The following PCDHGA2 variants were observed in gnomAD, a reference collection of about 807,000 sequenced individuals.
The protein encoded by PCDHGA2 is protocadherin gamma subfamily A, 2.
In PCDHGA2, 40 loss-of-function variants were observed where a neutral mutation model predicts 59.2. The observed-to-expected ratio is 0.68, with a 90% confidence interval of 0.52 to 0.88. The LOEUF (loss-of-function observed/expected upper bound fraction) is 0.88, where lower values mean the gene tolerates loss of function less well. PCDHGA2 is among the 40% of genes least tolerant of loss of function. The pLI is 0.00. For synonymous variants in PCDHGA2, 560 were observed against 526.0 expected (o/e 1.06, Z -0.89); for missense variants, 1,226 against 1,204.0 (o/e 1.02, Z -0.27).
intron 1 of PCDHGA2, chr5:141,398,054 A>G (rs372627681): frequency 9.0e-5 from 136 of 1,518,912 alleles, no homozygotes; most frequent in Non-Finnish European, 1.0e-4. Context: ...CGGAGATCCA[A>G]AAATCTACAA....
At chr5:141,451,926 T>G (rs994841982) in intron 1 of PCDHGA2, among the ~76,000 whole-genome samples, 5 of 151,122 alleles carry the variant, frequency 3.3e-5, no homozygotes, top group Non-Finnish European at 7.4e-5. Context: ...GGAAGGGAGG[T>G]AGGGAGGCAG....
chr5:141,410,023 C>T (rs1172248089), intron 1 of PCDHGA2: 1 of 1,613,310 alleles, frequency 6.2e-7, no homozygotes, highest in South Asian at 1.1e-5. Flanking sequence ...TGTCCTACCA[C>T]GTGCTGCAGG....
intron 1 of PCDHGA2, among the ~76,000 whole-genome samples, chr5:141,380,254 G>T (rs572849105): frequency 6.6e-6 from 1 of 152,270 alleles, no homozygotes; most frequent in Non-Finnish European, 1.5e-5. Flanking sequence ...TGTCAAAGGG[G>T]AAGGAGTAAA....
Position 141,486,558 on chromosome 5 carries a change from T to C in PCDHGA2, c.2425-8249T>C, listed in dbSNP as rs544575797. 1 of 1,614,034 alleles carries C rather than the reference T, an allele frequency of 6.2e-7. No homozygotes were observed. Among genetic ancestry groups the C allele is most frequent in the Non-Finnish European group, 8.5e-7 (1 of 1,180,012 alleles). ...TCTTTCTTTCAGAGGTCACATGAGG[T>C]GTTTGTTCCTGAGAACAATCGCCCA... On this transcript the variant is annotated intron_variant, in intron 1 of 3. Coordinates refer to ENST00000394576, the MANE Select transcript of PCDHGA2 (RefSeq NM_018915.4). This position sits in a 1 kb window ranked among gnomAD's most constrained non-coding sequence, Gnocchi z 5.0.
chr5:141,372,811 TGA>T (rs1193015568), intron 1 of PCDHGA2: 2 of 1,586,454 alleles, frequency 1.3e-6, no homozygotes, highest in Admixed American at 1.8e-5. Flanking sequence ...TTGCAAAAGG[TGA>T]GTTTCTTCAA....
intron 1 of PCDHGA2, among the ~76,000 whole-genome samples, chr5:141,483,722 C>G (rs1043315057): frequency 6.6e-6 from 1 of 152,080 alleles, no homozygotes; most frequent in Non-Finnish European, 1.5e-5. Context: ...TATTGGTTCC[C>G]ACCATAGTCA....
chr5:141,462,552 T>G (rs966816379), intron 1 of PCDHGA2, among the ~76,000 whole-genome samples: 4 of 152,194 alleles, frequency 2.6e-5, no homozygotes, highest in African/African-American at 9.6e-5. Context: ...TCTTCTTCAG[T>G]GTTTACTGTA....
chr5:141,362,444 T>C, intron 1 of PCDHGA2: 4 of 1,614,058 alleles, frequency 2.5e-6, no homozygotes, highest in Non-Finnish European at 3.4e-6. Flanking sequence ...TTTCTGAACA[T>C]AACCCCGGAA....
chr5:141,345,854 C>T (rs529957472), intron 1 of PCDHGA2: 18 of 1,613,390 alleles, frequency 1.1e-5, no homozygotes, highest in Middle Eastern at 1.7e-4. Context: ...TGTCCTACCG[C>T]CTGCTCAAGG....
Position 141,484,647 on chromosome 5 carries a change from G to A in PCDHGA2, c.2425-10160G>A, listed in dbSNP as rs556711906. Among the ~76,000 whole-genome samples, 104 of 152,066 alleles carry A rather than the reference G, an allele frequency of 6.8e-4. 3 individuals carry two copies. Among genetic ancestry groups the A allele is most frequent in the East Asian group, 1.2e-3 (6 of 5,166 alleles). ...TGAACAAAGTGACCACTCTCCAATG[G>A]CTACTCTCCCTCTCAGTGGGCCGCA... On this transcript the variant is annotated intron_variant, in intron 1 of 3. Transcript: ENST00000394576.
intron 1 of PCDHGA2, chr5:141,392,827 A>G: frequency 2.5e-6 from 4 of 1,601,944 alleles, no homozygotes; most frequent in Non-Finnish European, 3.4e-6. Flanking sequence ...GCCGCTCCAC[A>G]GAGTCGCCCC....
intron 1 of PCDHGA2, among the ~76,000 whole-genome samples, chr5:141,402,682 T>C (rs1012328239): frequency 2.0e-5 from 3 of 152,256 alleles, no homozygotes; most frequent in South Asian, 4.1e-4. Context: ...CCATCTGATA[T>C]AATGTTACAC....
At chr5:141,368,710 A>G (rs1008956527) in intron 1 of PCDHGA2, among the ~76,000 whole-genome samples, 1 of 152,160 alleles carries the variant, frequency 6.6e-6, no homozygotes, top group African/African-American at 2.4e-5. Flanking sequence ...TGATCCATAC[A>G]TTTTGAATGT....
At position 141,339,535 on chromosome 5, in the gene PCDHGA2, G is replaced by C. The variant is rs1244799590; in HGVS notation, c.564G>C (p.Gly188=). Residue 188 remains glycine, a synonymous_variant, in exon 1 of 4, where the codon GGG becomes GGC. Transcript: ENST00000394576. The stretch of plus-strand genomic sequence containing the variant: ...TGGACGTGCGAAGGGGAGCTGATGG[G>C]AACAAGTACCCAGAACTGGTGCTGG... ...FSLDVRRGAD[G]NKYPELVLER... 3.1e-6 allele frequency: 5 copies of C among 1,614,080 alleles called. No individual in the cohort carries two copies. The highest frequency in any genetic ancestry group is 4.2e-6 in the Non-Finnish European group (5 of 1,180,044).
intron 1 of PCDHGA2, chr5:141,408,845 T>C (rs560368079): frequency 1.9e-6 from 3 of 1,613,670 alleles, no homozygotes; most frequent in Non-Finnish European, 8.5e-7. Flanking sequence ...ATTGACTGCC[T>C]TGGACGGAGG....
chr5:141,491,802 G>C lies in PCDHGA2; in HGVS notation c.2425-3005G>C, dbSNP rs759587995. 1 of 1,497,480 alleles carries C rather than the reference G, an allele frequency of 6.7e-7. No homozygotes were observed. The highest frequency in any genetic ancestry group is 1.3e-5 in the South Asian group (1 of 74,938). The allele number at this position is 1,497,480 out of a possible 1,614,324, so 92.8% of individuals were successfully genotyped here. A position where few individuals can be genotyped will look rare whatever the true frequency, so the allele number is the denominator to read the frequency against. On this transcript the variant is annotated intron_variant, in intron 1 of 3. Coordinates refer to ENST00000394576, the MANE Select transcript of PCDHGA2 (RefSeq NM_018915.4). The surrounding 1 kb of genome is among the most constrained non-coding windows in gnomAD (Gnocchi z 6.9). ...ACTTGCATCCACTCCTCTCCGGCCG[G>C]CTTGGTCGCTGGCTGCGCTCCACCC...
chr5:141,436,590 C>T (rs1050788291), intron 1 of PCDHGA2, among the ~76,000 whole-genome samples: 10 of 152,102 alleles, frequency 6.6e-5, no homozygotes, highest in East Asian at 1.9e-4. Context: ...TTTGAAAGGT[C>T]GTGGTGATGG....
At chr5:141,347,224 G>A (rs922373463) in intron 1 of PCDHGA2, among the ~76,000 whole-genome samples, 2 of 142,692 alleles carry the variant, frequency 1.4e-5, no homozygotes, top group African/African-American at 5.4e-5. Context: ...CATGATCACG[G>A]CTCACTGCAG....
chr5:141,475,885 A>T, intron 1 of PCDHGA2: 1 of 556,524 alleles, frequency 1.8e-6, no homozygotes, highest in Non-Finnish European at 3.2e-6. Flanking sequence ...ATTGGCTGGG[A>T]CTCTGTGTGC....
Sources: gnomAD v4.1 joint callset for allele counts (sites outside exome capture counted in the v4.1 genomes callset) on GRCh38, gnomAD v4.1.1 for gene constraint, Gnocchi (gnomAD v3.1) non-coding constraint, MANE v1.5 for transcripts, NCBI Gene and HGNC (gene_info 2026-07-23, HGNC 2026-07-21) for gene names.